AHCYL2: variants seen among roughly 807,000 people sequenced by gnomAD.
AHCYL2 encodes the protein S-adenosylhomocysteine hydrolase-like protein 2.
Under a neutral mutation model 81.4 loss-of-function variants are expected in AHCYL2, and 28 were observed. The ratio of observed to expected loss-of-function variants is 0.34; its 90% confidence interval spans 0.25 to 0.47. The LOEUF (loss-of-function observed/expected upper bound fraction) is 0.47. Ranked by LOEUF, AHCYL2 falls within the 20% of genes least tolerant of loss-of-function variation. The pLI is 1.00. For missense variants in AHCYL2, 551 were observed against 785.1 expected (o/e 0.70, Z 3.56); for synonymous variants, 272 against 290.2 (o/e 0.94, Z 0.64).
rs538241590 is a variant in AHCYL2 at position 129,226,896 on chromosome 7, A to T, written c.363+1457A>T. On this transcript the variant is annotated intron_variant, in intron 1 of 16. Coordinates refer to ENST00000325006, the MANE Select transcript of AHCYL2 (RefSeq NM_015328.4). ...ATCTGAGTCTGGAAATCCAAAGCAT[A>T]CTTCTGACTTGTTGAGATACTTTGT... Among the ~76,000 whole-genome samples the T allele has an allele frequency of 8.0e-5, 11 of 138,090 alleles. No homozygotes were observed. In the South Asian group the frequency reaches 2.8e-3, roughly 36 times the overall value. The allele number at this position is 138,090 out of a possible 152,430, so 90.6% of individuals were successfully genotyped here.
chr7:129,318,095 C>T (rs148945220), intron 1 of AHCYL2, among the ~76,000 whole-genome samples: 112 of 152,236 alleles, frequency 7.4e-4, no homozygotes, highest in African/African-American at 2.6e-3. Flanking sequence ...TATAACACAA[C>T]TCATTGATGA....
At chr7:129,357,189 G>A (rs1194847595) in intron 1 of AHCYL2, among the ~76,000 whole-genome samples, 1 of 152,188 alleles carries the variant, frequency 6.6e-6, no homozygotes, top group African/African-American at 2.4e-5. Context: ...GATCCTGGAT[G>A]GGATACTGGA....
At chr7:129,420,510 A>C (rs994890177) in intron 12 of AHCYL2, among the ~76,000 whole-genome samples, 3 of 134,296 alleles carry the variant, frequency 2.2e-5, no homozygotes, top group Non-Finnish European at 3.1e-5. Flanking sequence ...ACAAGATCTC[A>C]CTGTTACCAC....
chr7:129,262,855 T>C (rs1268366710), intron 1 of AHCYL2, among the ~76,000 whole-genome samples: 1 of 152,160 alleles, frequency 6.6e-6, no homozygotes, highest in Non-Finnish European at 1.5e-5. Flanking sequence ...AAGAATAGCA[T>C]ATAATAAGCT....
At chr7:129,384,492 C>T (rs553957824) in intron 2 of AHCYL2, among the ~76,000 whole-genome samples, 1 of 151,402 alleles carries the variant, frequency 6.6e-6, no homozygotes, top group Non-Finnish European at 1.5e-5. Flanking sequence ...TGTTCAGAGA[C>T]GTTATACTTT....
At chr7:129,230,371 C>T (rs1250382105) in intron 1 of AHCYL2, among the ~76,000 whole-genome samples, 3 of 151,978 alleles carry the variant, frequency 2.0e-5, no homozygotes, top group East Asian at 3.9e-4. Flanking sequence ...CATGAGCCAC[C>T]GCGCCCGGCT....
At chr7:129,342,651 G>C (rs913652413) in intron 1 of AHCYL2, among the ~76,000 whole-genome samples, 2 of 152,148 alleles carry the variant, frequency 1.3e-5, no homozygotes, top group African/African-American at 4.8e-5. Flanking sequence ...TATTTTGGGA[G>C]TTCATGTATA....
At chr7:129,280,368 C>T (rs1321027228) in intron 1 of AHCYL2, among the ~76,000 whole-genome samples, 2 of 151,724 alleles carry the variant, frequency 1.3e-5, no homozygotes, top group African/African-American at 4.8e-5. Flanking sequence ...GAGGTTTCGC[C>T]GTGTTGGCCA....
intron 1 of AHCYL2, among the ~76,000 whole-genome samples, chr7:129,312,034 G>A (rs535511086): frequency 6.6e-6 from 1 of 152,082 alleles, no homozygotes; most frequent in South Asian, 2.1e-4. Context: ...ATTGCCCCAG[G>A]CTGGAGTACA....
At chr7:129,355,261 G>C (rs1028035227) in intron 1 of AHCYL2, among the ~76,000 whole-genome samples, 1 of 152,140 alleles carries the variant, frequency 6.6e-6, no homozygotes, top group Non-Finnish European at 1.5e-5. Flanking sequence ...ATTGTCCCCA[G>C]GTGTCATGGT....
At chr7:129,395,555 C>T (rs1330666952) in intron 4 of AHCYL2, among the ~76,000 whole-genome samples, 1 of 152,134 alleles carries the variant, frequency 6.6e-6, no homozygotes, top group East Asian at 1.9e-4. Context: ...TTTCCTGTGC[C>T]TCTCCCAGAG....
At chr7:129,239,769 T>C (rs945195018) in intron 1 of AHCYL2, among the ~76,000 whole-genome samples, 3 of 151,140 alleles carry the variant, frequency 2.0e-5, no homozygotes, top group Non-Finnish European at 4.4e-5. Flanking sequence ...GGCACAGATA[T>C]ATAGAGACAG....
Position 129,368,396 on chromosome 7 carries a change from C to T in AHCYL2, c.364-11242C>T. 1.3e-6 allele frequency: 2 copies of T among 1,591,218 alleles called. No individual in the cohort carries two copies. The highest frequency in any genetic ancestry group is 1.1e-5 in the South Asian group (1 of 87,598). ...CTAGCCACTGTGAACTTCTGAATCTCACTAGGGTTGGGTCTGCTTTGGGGC... is the reference window on the plus strand; with the variant it reads ...CTAGCCACTGTGAACTTCTGAATCTTACTAGGGTTGGGTCTGCTTTGGGGC... On this transcript the variant is annotated intron_variant, in intron 1 of 16. Coordinates refer to ENST00000325006, the MANE Select transcript of AHCYL2 (RefSeq NM_015328.4). This position sits in a 1 kb window ranked among gnomAD's most constrained non-coding sequence, Gnocchi z 4.4.
At chr7:129,369,234 C>G (rs1381165202) in intron 1 of AHCYL2, among the ~76,000 whole-genome samples, 2 of 152,034 alleles carry the variant, frequency 1.3e-5, no homozygotes, top group Non-Finnish European at 2.9e-5. Context: ...CAATAACCAT[C>G]CTTATGTTTC....
At chr7:129,340,213 C>T (rs1194512473) in intron 1 of AHCYL2, among the ~76,000 whole-genome samples, 4 of 149,130 alleles carry the variant, frequency 2.7e-5, no homozygotes, top group Non-Finnish European at 5.9e-5. Flanking sequence ...TGAGCCACCG[C>T]GCCTGGCCCC....
intron 1 of AHCYL2, among the ~76,000 whole-genome samples, chr7:129,311,945 C>G (rs1266707599): frequency 6.6e-6 from 1 of 152,168 alleles, no homozygotes; most frequent in East Asian, 1.9e-4. Flanking sequence ...ACTATGAACT[C>G]TTACTTATAT....
At chr7:129,367,505 C>G (rs556539369) in intron 1 of AHCYL2, among the ~76,000 whole-genome samples, 1 of 152,160 alleles carries the variant, frequency 6.6e-6, no homozygotes, top group Non-Finnish European at 1.5e-5. Context: ...GAAACAACTT[C>G]GGAGGTCCTT....
chr7:129,355,346 T>C (rs937459008), intron 1 of AHCYL2, among the ~76,000 whole-genome samples: 3 of 152,192 alleles, frequency 2.0e-5, no homozygotes, highest in Non-Finnish European at 4.4e-5. Flanking sequence ...TTAGATCAGC[T>C]TAGTTCAGAC....
At chr7:129,337,290 A>G (rs911476627) in intron 1 of AHCYL2, among the ~76,000 whole-genome samples, 1 of 151,924 alleles carries the variant, frequency 6.6e-6, no homozygotes, top group Non-Finnish European at 1.5e-5. Flanking sequence ...TGCTTTTTTC[A>G]CTTAAAATAT....
Sources: gnomAD v4.1 joint callset for allele counts (sites outside exome capture counted in the v4.1 genomes callset) on GRCh38, gnomAD v4.1.1 for gene constraint, Gnocchi (gnomAD v3.1) non-coding constraint, MANE v1.5 for transcripts, NCBI Gene and HGNC (gene_info 2026-07-23, HGNC 2026-07-21) for gene names.